RAB2A: variants seen among roughly 807,000 people sequenced by gnomAD.
RAB2A encodes ras-related protein Rab-2A.
RAB2A carries 7 observed loss-of-function variants against 32.5 expected under a neutral mutation model. That is an observed-to-expected ratio of 0.22 (90% CI 0.12 to 0.40). The LOEUF (loss-of-function observed/expected upper bound fraction) is 0.40, where lower values mean the gene tolerates loss of function less well. Ranked by LOEUF, RAB2A falls within the 10% of genes least tolerant of loss-of-function variation. RAB2A has a pLI of 1.00. For synonymous variants in RAB2A, 79 were observed against 85.2 expected (o/e 0.93, Z 0.40); for missense variants, 108 against 260.7 (o/e 0.41, Z 4.03).
At position 60,623,245 on chromosome 8, in the gene RAB2A, A is replaced by G. The variant is rs564556798; in HGVS notation, c.*2476A>G. ...GAAACAGGATATACAACTGCATACA[A>G]TTTGTTTTTAATGATATTTTAAAAT... On this transcript the variant is annotated 3_prime_UTR_variant, in exon 8 of 8. Transcript: ENST00000262646. The G allele has an allele frequency of 2.6e-5, 4 of 152,344 alleles. No homozygotes were observed. The highest frequency in any genetic ancestry group is 9.6e-5 in the African/African-American group (4 of 41,582). The allele number at this position is 152,344 out of a possible 1,614,324, so 9.4% of individuals were successfully genotyped here.
At chr8:60,620,181 CTG>C (rs1355748375) in intron 7 of RAB2A, among the ~76,000 whole-genome samples, 2 of 152,338 alleles carry the variant, frequency 1.3e-5, no homozygotes, top group East Asian at 1.9e-4. Flanking sequence ...AAGAACTACT[CTG>C]TGTGTGGGTT....
intron 2 of RAB2A, 154 bp downstream of exon 2, chr8:60,559,077 G>A: frequency 5.2e-6 from 3 of 574,044 alleles, no homozygotes; most frequent in South Asian, 2.3e-5. Context: ...TTAAAAATAT[G>A]TGTAGTAAAA....
chr8:60,565,562 A>G (rs1421260025), intron 2 of RAB2A, among the ~76,000 whole-genome samples: 2 of 151,942 alleles, frequency 1.3e-5, no homozygotes, highest in Non-Finnish European at 2.9e-5. Context: ...TTTATTTGGG[A>G]TTCAGTTTTC....
intron 2 of RAB2A, chr8:60,569,913 G>A (rs1563473122): frequency 2.2e-6 from 1 of 455,206 alleles, no homozygotes; most frequent in South Asian, 1.6e-5. Context: ...GTTATGTATG[G>A]AACCTACAGT....
At chr8:60,532,700 A>G (rs903194024) in intron 1 of RAB2A, among the ~76,000 whole-genome samples, 2 of 152,152 alleles carry the variant, frequency 1.3e-5, no homozygotes, top group African/African-American at 4.8e-5. Flanking sequence ...TGTAGAGACA[A>G]GGTTTCACTT....
At chr8:60,540,399 AGT>A (rs1807621810) in intron 1 of RAB2A, among the ~76,000 whole-genome samples, 1 of 151,990 alleles carries the variant, frequency 6.6e-6, no homozygotes, top group South Asian at 2.1e-4. Context: ...GGGAGTGAAA[AGT>A]GTTAAAAATG....
At chr8:60,592,079 A>C in intron 6 of RAB2A, 110 bp downstream of exon 6, 1 of 572,306 alleles carries the variant, frequency 1.7e-6, no homozygotes, top group Non-Finnish European at 3.0e-6. Context: ...TTTGAACATC[A>C]TAAAGTAGGA....
In RAB2A at chr8:60,589,266, TAAAC is replaced by T. The variant is rs536992465; in HGVS notation, c.363-2588_363-2585del. On this transcript the variant is annotated intron_variant, in intron 5 of 7. Transcript: ENST00000262646. Reference sequence around the variant, plus strand: ...CTGATAGTTCAAATGTGAGAAGAAATAAACAAAGCATAGTATGTAAACGAGATGT... The same window carrying T: ...CTGATAGTTCAAATGTGAGAAGAAATAAAGCATAGTATGTAAACGAGATGT... Among the ~76,000 whole-genome samples, 727 of 152,302 alleles carry T rather than the reference TAAAC, an allele frequency of 4.8e-3. 2 individuals are homozygous for T. The highest frequency in any genetic ancestry group is 7.9e-3 in the Non-Finnish European group (538 of 68,020).
chr8:60,526,017 G>GCGCATATATATATA (rs879271913), intron 1 of RAB2A, among the ~76,000 whole-genome samples: 2 of 74,252 alleles, frequency 2.7e-5, no homozygotes, highest in African/African-American at 1.2e-4. Flanking sequence ...ATGTGTGTGT[G>GCGCATATATATATA]TACATATATA....
At chr8:60,529,741 C>A (rs1807447690) in intron 1 of RAB2A, among the ~76,000 whole-genome samples, 1 of 152,132 alleles carries the variant, frequency 6.6e-6, no homozygotes, top group Non-Finnish European at 1.5e-5. Context: ...TGTTGTTTGA[C>A]TATACTGCAG....
chr8:60,606,395 G>C lies in RAB2A; in HGVS notation c.475-12185G>C, dbSNP rs373904519. On this transcript the variant is annotated intron_variant, in intron 6 of 7. Coordinates refer to ENST00000262646, the MANE Select transcript of RAB2A (RefSeq NM_002865.3). ...TCTTAAATATTTTAGTATCTGTCCA[G>C]ATGATATTGGTACCCAGATCCTTTA... is the stretch of plus-strand genomic sequence containing the variant. Among the ~76,000 whole-genome samples the C allele has an allele frequency of 4.6e-5, 7 of 152,296 alleles. No individual in the cohort carries two copies. The East Asian group carries it at 1.4e-3, about 29-fold the overall frequency.
rs189258221 is a variant in RAB2A at position 60,570,307 on chromosome 8, T to C, written c.119-1739T>C. Among the ~76,000 whole-genome samples, 6 of 152,210 alleles carry C rather than the reference T, an allele frequency of 3.9e-5. No individual in the cohort carries two copies. In the East Asian group the frequency reaches 1.2e-3, roughly 29 times the overall value. On this transcript the variant is annotated intron_variant, in intron 2 of 7. Coordinates refer to ENST00000262646, the MANE Select transcript of RAB2A (RefSeq NM_002865.3). ...GGAAAAATAAAATTTTTCTCTCTCTTTCTCATTTGTAGGTAGAAACAATAA... is the reference window on the plus strand; with the variant it reads ...GGAAAAATAAAATTTTTCTCTCTCTCTCTCATTTGTAGGTAGAAACAATAA...
chr8:60,557,314 G>C (rs950976567), intron 1 of RAB2A, among the ~76,000 whole-genome samples: 3 of 152,076 alleles, frequency 2.0e-5, no homozygotes, highest in African/African-American at 7.2e-5. Flanking sequence ...TCAGGAGTTT[G>C]AGACCAGCCT....
chr8:60,582,300 G>A (rs1803772950), intron 3 of RAB2A, among the ~76,000 whole-genome samples: 1 of 152,038 alleles, frequency 6.6e-6, no homozygotes, highest in African/African-American at 2.4e-5. Context: ...TTTGTGTGAT[G>A]GCTTTCTCAC....
intron 1 of RAB2A, among the ~76,000 whole-genome samples, chr8:60,525,959 G>GTA (rs1355864619): frequency 7.4e-6 from 1 of 134,512 alleles, no homozygotes; most frequent in Non-Finnish European, 1.6e-5. Flanking sequence ...ATGTATATAT[G>GTA]TATATATATG....
intron 3 of RAB2A, among the ~76,000 whole-genome samples, chr8:60,580,000 CTTT>C (rs10714421): frequency 5.2e-5 from 7 of 133,658 alleles, no homozygotes; most frequent in East Asian, 2.2e-4. Flanking sequence ...ATTAAAGCAC[CTTT>C]TTTTTTTTTT....
At chr8:60,524,488 G>T (rs1005552939) in intron 1 of RAB2A, among the ~76,000 whole-genome samples, 6 of 152,172 alleles carry the variant, frequency 3.9e-5, no homozygotes, top group African/African-American at 9.7e-5. Flanking sequence ...TTTTCTAAAA[G>T]AAACTGTCCC....
At chr8:60,617,841 A>G (rs1313960706) in intron 6 of RAB2A, among the ~76,000 whole-genome samples, 2 of 152,212 alleles carry the variant, frequency 1.3e-5, no homozygotes, top group Non-Finnish European at 2.9e-5. Context: ...TAGTTACCCC[A>G]AAAAGAAACC....
At chr8:60,554,228 A>G (rs1415017619) in intron 1 of RAB2A, among the ~76,000 whole-genome samples, 1 of 152,164 alleles carries the variant, frequency 6.6e-6, no homozygotes, top group Non-Finnish European at 1.5e-5. Context: ...TCTGGTTCTT[A>G]GTGAGAACCA....
Sources: gnomAD v4.1 joint callset for allele counts (sites outside exome capture counted in the v4.1 genomes callset) on GRCh38, gnomAD v4.1.1 for gene constraint, MANE v1.5 for transcripts, NCBI Gene and HGNC (gene_info 2026-07-23, HGNC 2026-07-21) for gene names.